Variants in AMOTL2 observed in about 807,000 individuals in gnomAD.
AMOTL2 encodes the protein angiomotin like 2, also known as angiomotin-like protein 2.
Under a neutral mutation model 78.4 loss-of-function variants are expected in AMOTL2, and 33 were observed. That is an observed-to-expected ratio of 0.42 (90% confidence interval 0.32 to 0.56). AMOTL2 has a LOEUF of 0.56. Among genes scored for constraint, AMOTL2 ranks in the 20% least tolerant of loss-of-function variants. The pLI, the probability that AMOTL2 is intolerant of heterozygous loss-of-function variation, is 0.12. For synonymous variants in AMOTL2, 422 were observed against 428.8 expected (o/e 0.98, Z 0.20); for missense variants, 983 against 1,030.1 (o/e 0.95, Z 0.63).
At chr3:134,365,735 G>A in intron 5 of AMOTL2, 82 bp downstream of exon 5, 1 of 1,304,328 alleles carries the variant, frequency 7.7e-7, no homozygotes, top group African/African-American at 1.5e-5. Context: ...AAGGGGGAAG[G>A]CCAATCTTCC....
At chr3:134,364,083 G>A (rs2017493798) in intron 5 of AMOTL2, among the ~76,000 whole-genome samples, 1 of 152,158 alleles carries the variant, frequency 6.6e-6, no homozygotes, top group Non-Finnish European at 1.5e-5. Flanking sequence ...GGCGCCGACG[G>A]GACCCGGGAT....
At chr3:134,373,658 T>C (rs1400565982) in intron 1 of AMOTL2, 6 of 985,300 alleles carry the variant, frequency 6.1e-6, no homozygotes, top group Non-Finnish European at 7.2e-6. Flanking sequence ...CAGCCAGGGC[T>C]CCCGCCCCAC....
chr3:134,373,490 C>T (rs2017958134), intron 1 of AMOTL2: 1 of 985,570 alleles, frequency 1.0e-6, no homozygotes, highest in South Asian at 4.7e-5. Context: ...TTACAAAAAC[C>T]TGCTTCCGCG....
chr3:134,360,943 G>T (rs982133894), intron 6 of AMOTL2, among the ~76,000 whole-genome samples: 1 of 152,330 alleles, frequency 6.6e-6, no homozygotes, highest in Non-Finnish European at 1.5e-5. Flanking sequence ...GGAGGCCAAG[G>T]TCGGCGGACC....
In AMOTL2 at chr3:134,365,811, A is replaced by C. The variant is rs1468168006; in HGVS notation, c.1279+6T>G. On this transcript the variant is annotated splice_donor_region_variant and intron_variant, in intron 5 of 9. Coordinates refer to ENST00000249883, the MANE Select transcript of AMOTL2 (RefSeq NM_016201.4). ...GGCCAGGCTTCTTAGTGGGGCCCCT[A>C]CTCACTCTGAGCAAGCAGCTTGGCC... The C allele has an allele frequency of 8.7e-6, 14 of 1,613,412 alleles. No individual in the cohort carries two copies. The highest frequency in any genetic ancestry group is 1.1e-5 in the Non-Finnish European group (13 of 1,179,838).
Position 134,361,623 on chromosome 3 carries a change from C to T in AMOTL2, c.1464G>A (p.Arg488=), listed in dbSNP as rs2017367945. 1 of 1,613,104 alleles carries T rather than the reference C, an allele frequency of 6.2e-7. No homozygotes were observed. The change falls in exon 6 of 10, where the codon CGG becomes CGA. Residue 488 remains arginine, a synonymous_variant. Transcript: ENST00000249883. ...GCAGCTGCCCGAGCGCCTGCTGCAGCCGCTCCACTTTCTCCACATAGGCCT... is the reference window on the plus strand; with the variant it reads ...GCAGCTGCCCGAGCGCCTGCTGCAGTCGCTCCACTTTCTCCACATAGGCCT... ...KKQAYVEKVE[R]LQQALGQLQA... is the part of the protein sequence containing the mutation.
At chr3:134,369,386 T>A (rs984447995) in intron 2 of AMOTL2, among the ~76,000 whole-genome samples, 5 of 152,176 alleles carry the variant, frequency 3.3e-5, no homozygotes, top group Non-Finnish European at 7.3e-5. Context: ...TGCTTTCCTT[T>A]CTCCTCGTCC....
intron 1 of AMOTL2, chr3:134,371,816 T>A: frequency 3.3e-6 from 1 of 303,696 alleles, no homozygotes; most frequent in Admixed American, 4.6e-5. Context: ...CGATTACTAA[T>A]GATAACATTC....
intron 2 of AMOTL2, among the ~76,000 whole-genome samples, chr3:134,369,687 T>C (rs184712893): frequency 1.3e-5 from 2 of 152,306 alleles, no homozygotes; most frequent in East Asian, 3.9e-4. Context: ...GGGTGTTTAC[T>C]AAAGGAACAC....
At chr3:134,359,961 A>G (rs2017277791) in intron 7 of AMOTL2, 145 bp downstream of exon 7, 2 of 898,384 alleles carry the variant, frequency 2.2e-6, no homozygotes, top group Non-Finnish European at 1.7e-6. Flanking sequence ...TGGTGTGCCA[A>G]TCATGCAGGT....
In AMOTL2 at chr3:134,358,494, C is replaced by G. The variant is rs1422803758; in HGVS notation, c.2284+46G>C. 10 of 1,572,438 alleles carry G rather than the reference C, an allele frequency of 6.4e-6. No individual in the cohort carries two copies. The Admixed American group carries it at 1.9e-4, about 30-fold the overall frequency. ...TTGTGTTCCAGTTCACACCCCAGTG[C>G]CCCCTCGGCCCTACCTAGCACAGAA... On this transcript the variant is annotated intron_variant, in intron 9 of 9. Coordinates refer to ENST00000249883, the MANE Select transcript of AMOTL2 (RefSeq NM_016201.4).
At chr3:134,366,700 C>T (rs1345628290) in intron 3 of AMOTL2, 4 of 354,438 alleles carry the variant, frequency 1.1e-5, no homozygotes, top group African/African-American at 4.2e-5. Flanking sequence ...TAGCTGCCTG[C>T]GGGGTGACTA....
chr3:134,358,095 T>A (rs891461291), intron 9 of AMOTL2, among the ~76,000 whole-genome samples: 1 of 152,184 alleles, frequency 6.6e-6, no homozygotes, highest in South Asian at 2.1e-4. Flanking sequence ...CAGGCAAATA[T>A]GCAAAGGCCA....
At position 134,356,176 on chromosome 3, in the gene AMOTL2, T is replaced by C. The variant is rs1486728987; in HGVS notation, c.*1529A>G. 6.6e-6 allele frequency: 1 copy of C among 152,584 alleles called. No individual in the cohort carries two copies. Among genetic ancestry groups the C allele is most frequent in the Non-Finnish European group, 1.5e-5 (1 of 68,036 alleles). 9.5% of individuals were successfully genotyped at this position (152,584 alleles called of 1,614,324 possible). A position where few individuals can be genotyped will look rare whatever the true frequency, so the allele number is the denominator to read the frequency against. Reference sequence around the variant, plus strand: ...TTGTAAACAATGCACATGAACCAAATGTATTTTTCAGCTTTAAACAGGGGT... The same window carrying C: ...TTGTAAACAATGCACATGAACCAAACGTATTTTTCAGCTTTAAACAGGGGT... On this transcript the variant is annotated 3_prime_UTR_variant, in exon 10 of 10. Coordinates refer to ENST00000249883, the MANE Select transcript of AMOTL2 (RefSeq NM_016201.4).
chr3:134,372,186 G>A (rs1323957282), intron 1 of AMOTL2, among the ~76,000 whole-genome samples: 2 of 152,032 alleles, frequency 1.3e-5, no homozygotes, highest in Admixed American at 1.3e-4. Context: ...CTGAACCCCT[G>A]GCCACTTTTC....
At position 134,365,889 on chromosome 3, in the gene AMOTL2, G is replaced by T. The variant is rs775980263; in HGVS notation, c.1207C>A (p.Arg403Ser). 3 of 1,614,174 alleles carry T rather than the reference G, an allele frequency of 1.9e-6. No homozygotes were observed. Among genetic ancestry groups the T allele is most frequent in the Non-Finnish European group, 2.5e-6 (3 of 1,180,002 alleles). ...DLRERLESAN[R>S]RLASKTQEAQ... ...TCCTGTGTCTTGCTTGCCAGGCGGC[G>T]ATTTGCAGATTCCAATCTCTCTGTT... The change falls in exon 5 of 10, where the codon CGC (arginine) becomes AGC (serine). Residue 403 changes from arginine (R) to serine (S), a missense_variant. Transcript: ENST00000249883.
chr3:134,357,643 T>G lies in AMOTL2; in HGVS notation c.*62A>C. On this transcript the variant is annotated 3_prime_UTR_variant, in exon 10 of 10. Coordinates refer to ENST00000249883, the MANE Select transcript of AMOTL2 (RefSeq NM_016201.4). ...CGGTTGACGGGGCTGCTGAAATGGC[T>G]GAGAGTGGCACAGGGCAGAGGAGGG... is the stretch of plus-strand genomic sequence containing the variant. The G allele has an allele frequency of 2.6e-6, 4 of 1,547,228 alleles. No individual in the cohort carries two copies. The highest frequency in any genetic ancestry group is 3.6e-6 in the Non-Finnish European group (4 of 1,119,484).
Position 134,374,446 on chromosome 3 carries a change from CT to C in AMOTL2, c.-167del. 2.0e-6 allele frequency: 2 copies of C among 985,476 alleles called. No homozygotes were observed. Among genetic ancestry groups the C allele is most frequent in the South Asian group, 9.4e-5 (2 of 21,294 alleles). The allele number at this position is 985,476 out of a possible 1,614,324, so 61.0% of individuals were successfully genotyped here. On this transcript the variant is annotated 5_prime_UTR_variant, in exon 1 of 10. Transcript: ENST00000249883. ...TGTTCTCGGCCGTGGCGCCGACGCT[CT>C]GGCTGTTCGCGCCCCAGCGCGCAGC...
At chr3:134,373,759 A>G in intron 1 of AMOTL2, 1 of 985,470 alleles carries the variant, frequency 1.0e-6, no homozygotes, top group Non-Finnish European at 1.2e-6. Flanking sequence ...GAGGTCTTTA[A>G]GCATCGCGGG....
Sources: gnomAD v4.1 joint callset for allele counts (sites outside exome capture counted in the v4.1 genomes callset) on GRCh38, gnomAD v4.1.1 for gene constraint, MANE v1.5 for transcripts, NCBI Gene and HGNC (gene_info 2026-07-23, HGNC 2026-07-21) for gene names.